The following SLC45A1 variants were observed in gnomAD, a reference collection of about 807,000 sequenced individuals.
SLC45A1 encodes the protein solute carrier family 45 member 1, also known as proton-associated sugar transporter A.
In SLC45A1, 28 loss-of-function variants were observed where a neutral mutation model predicts 57.6. That is an observed-to-expected ratio of 0.49 (90% confidence interval 0.36 to 0.67). SLC45A1 has a LOEUF of 0.67. Ranked by LOEUF, SLC45A1 falls within the 30% of genes least tolerant of loss-of-function variation. The probability of loss-of-function intolerance (pLI) is 0.00; values close to 1 mark genes in which losing one functional copy is unlikely to be tolerated. For missense variants in SLC45A1, 814 were observed against 1,041.5 expected (o/e 0.78, Z 3.01); for synonymous variants, 459 against 471.5 (o/e 0.97, Z 0.34).
rs1569932437 is a variant in SLC45A1, at chr1:8,324,586, A to G, written c.257A>G (p.Glu86Gly). ...CTGCACCCCCAGAGGTCCTTCCGGGAGCTGCTTTTCAACGGCTGCATTCTC... is the reference window on the plus strand; with the variant it reads ...CTGCACCCCCAGAGGTCCTTCCGGGGGCTGCTTTTCAACGGCTGCATTCTC... Reference protein sequence around the residue: ...GDLHPQRSFRELLFNGCILFG... With the variant: ...GDLHPQRSFRGLLFNGCILFG... The change falls in exon 2 of 9, where the codon GAG becomes GGG. Residue 86 changes from glutamate to glycine, a missense_variant. Transcript: ENST00000471889. The G allele has an allele frequency of 6.5e-7, 1 of 1,539,728 alleles. No individual in the cohort carries two copies. Among genetic ancestry groups the G allele is most frequent in the South Asian group, 1.1e-5 (1 of 89,686 alleles).
At chr1:8,323,530 G>A (rs118088989) in intron 1 of SLC45A1, among the ~76,000 whole-genome samples, 1 of 151,658 alleles carries the variant, frequency 6.6e-6, no homozygotes, top group Non-Finnish European at 1.5e-5. Flanking sequence ...AAGCTGGGGG[G>A]TGGGGATCTG....
In SLC45A1 at chr1:8,324,583, G is replaced by GGGAGCT. The variant is rs766178723; in HGVS notation, c.256_261dup (p.Glu86_Leu87dup). The GGGAGCT allele has an allele frequency of 6.3e-7, 1 of 1,584,220 alleles. No individual in the cohort carries two copies. ...GACCTGCACCCCCAGAGGTCCTTCC[G>GGGAGCT]GGAGCTGCTTTTCAACGGCTGCATT... On this transcript the variant is annotated inframe_insertion, in exon 2 of 9. Transcript: ENST00000471889.
chr1:8,338,141 C>T lies in SLC45A1; in HGVS notation c.1774+149C>T, dbSNP rs1640681951. On this transcript the variant is annotated intron_variant, in intron 7 of 8. Coordinates refer to ENST00000471889, the MANE Select transcript of SLC45A1 (RefSeq NM_001080397.3). ...CACTGTCTTTCCCGGCTGCAGGGCG[C>T]TGGGCCTGGGGGAGCTGGGCTGAAG... 6 of 758,074 alleles carry T rather than the reference C, an allele frequency of 7.9e-6. No individual in the cohort carries two copies. In the East Asian group the frequency reaches 1.6e-4, roughly 21 times the overall value. The allele number at this position is 758,074 out of a possible 1,614,324, so 47.0% of individuals were successfully genotyped here. A position where few individuals can be genotyped will look rare whatever the true frequency, so the allele number is the denominator to read the frequency against.
chr1:8,321,675 G>A (rs921772736), intron 1 of SLC45A1, among the ~76,000 whole-genome samples: 4 of 152,162 alleles, frequency 2.6e-5, no homozygotes, highest in Non-Finnish European at 5.9e-5. Context: ...ATGTTTGGAA[G>A]GGGGGATAGG....
chr1:8,338,127 C>T, intron 7 of SLC45A1, 135 bp downstream of exon 7: 1 of 826,964 alleles, frequency 1.2e-6, no homozygotes, highest in South Asian at 1.8e-5. Context: ...ACTGTCTTTC[C>T]CGGCTGCAGG....
At position 8,337,865 on chromosome 1, in the gene SLC45A1, C is replaced by T. The variant is rs372949220; in HGVS notation, c.1647C>T (p.Gly549=). ...TGCTCTTCTACACAGACTTCATGGGCGAGGTGGTGTTTCAGGGGGACCCCA... is the reference window on the plus strand; with the variant it reads ...TGCTCTTCTACACAGACTTCATGGGTGAGGTGGTGTTTCAGGGGGACCCCA... ...GMLLFYTDFM[G]EVVFQGDPKA... is the part of the protein sequence containing the mutation. The change falls in exon 7 of 9, where the codon GGC becomes GGT. Residue 549 remains glycine, a synonymous_variant. Coordinates refer to ENST00000471889, the MANE Select transcript of SLC45A1 (RefSeq NM_001080397.3). 40 of 1,614,184 alleles carry T rather than the reference C, an allele frequency of 2.5e-5. No homozygotes were observed. The highest frequency in any genetic ancestry group is 3.3e-4 in the Middle Eastern group (2 of 6,062).
rs143965615 is a variant in SLC45A1, at chr1:8,330,327, C to T, written c.834C>T (p.Ser278=). The change falls in exon 5 of 9, where the codon AGC becomes AGT. Residue 278 remains serine (S), a synonymous_variant. Transcript: ENST00000471889. The surrounding 1 kb of genome is among the most constrained non-coding windows in gnomAD (Gnocchi z 8.4). ...ACCTCTTCACTGCGGTCACCCTGAG[C>T]GTCACCACCGTCCTGACCCTGGTCA... is the stretch of plus-strand genomic sequence containing the variant. ...VIYLFTAVTL[S]VTTVLTLVSI... 4.7e-5 allele frequency: 76 copies of T among 1,613,516 alleles called. No homozygotes were observed. The African/African-American group carries it at 8.4e-4, about 18-fold the overall frequency.
At chr1:8,333,014 C>G (rs1395520256) in intron 5 of SLC45A1, among the ~76,000 whole-genome samples, 1 of 152,092 alleles carries the variant, frequency 6.6e-6, no homozygotes, top group South Asian at 2.1e-4. Context: ...GAGATCTAGC[C>G]GAGGAGACAC....
chr1:8,324,504 T>TGGCCCCCCC lies in SLC45A1; in HGVS notation c.175_176insGGCCCCCCC (p.Ser59delinsTrpProProPro). ...CAAGAGGAGGAAGTGCATTCGTCCC[T>TGGCCCCCCC]CCCCACCCCCGCCCCCCAACACCCC... On this transcript the variant is annotated protein_altering_variant, in exon 2 of 9. Coordinates refer to ENST00000471889, the MANE Select transcript of SLC45A1 (RefSeq NM_001080397.3). The TGGCCCCCCC allele has an allele frequency of 1.3e-6, 2 of 1,528,684 alleles. No homozygotes were observed. The highest frequency in any genetic ancestry group is 1.1e-5 in the South Asian group (1 of 89,148). The allele number at this position is 1,528,684 out of a possible 1,614,324, so 94.7% of individuals were successfully genotyped here. A position where few individuals can be genotyped will look rare whatever the true frequency, so the allele number is the denominator to read the frequency against.
intron 1 of SLC45A1, among the ~76,000 whole-genome samples, chr1:8,319,194 C>G (rs1221988114): frequency 6.6e-6 from 1 of 152,184 alleles, no homozygotes; most frequent in East Asian, 1.9e-4. Flanking sequence ...GCAGGAGAAT[C>G]GCTTGAACCC....
intron 8 of SLC45A1, among the ~76,000 whole-genome samples, chr1:8,341,405 GAC>G (rs1335413160): frequency 1.4e-5 from 2 of 146,568 alleles, no homozygotes; most frequent in African/African-American, 5.1e-5. Context: ...CGTGGTGGCG[GAC>G]GCCTATAGTC....
intron 8 of SLC45A1, among the ~76,000 whole-genome samples, chr1:8,342,079 C>T (rs371942544): frequency 2.0e-4 from 30 of 150,524 alleles, no homozygotes; most frequent in South Asian, 1.7e-3. Context: ...TGGTGGCGGG[C>T]GCCTGTAGTC....
rs781036625 is a variant in SLC45A1, at chr1:8,325,853, C to T, written c.526C>T (p.Arg176Trp). The change falls in exon 4 of 9, where the codon CGG (arginine) becomes TGG (tryptophan). Residue 176 changes from arginine to tryptophan, a missense_variant. By Grantham distance (101) the Arg-to-Trp change is moderately radical (BLOSUM62 -3). Transcript: ENST00000471889. The surrounding 1 kb of genome is among the most constrained non-coding windows in gnomAD (Gnocchi z 6.3). ...LLGLSLLLNG[R>W]DIGIALADVT... ...GGGCCTCTCGCTCTTGCTGAATGGCCGGGACATTGGCATCGCCCTGGCTGA... is the reference window on the plus strand; with the variant it reads ...GGGCCTCTCGCTCTTGCTGAATGGCTGGGACATTGGCATCGCCCTGGCTGA... 10 of 1,613,754 alleles carry T rather than the reference C, an allele frequency of 6.2e-6. No homozygotes were observed. The Admixed American group carries it at 8.3e-5, about 13-fold the overall frequency.
At position 8,326,363 on chromosome 1, in the gene SLC45A1, A is replaced by G. The variant is rs926440661; in HGVS notation, c.715+321A>G. Among the ~76,000 whole-genome samples, 2 of 152,202 alleles carry G rather than the reference A, an allele frequency of 1.3e-5. No individual in the cohort carries two copies. Among genetic ancestry groups the G allele is most frequent in the Non-Finnish European group, 2.9e-5 (2 of 68,032 alleles). On this transcript the variant is annotated intron_variant, in intron 4 of 8. Transcript: ENST00000471889. This position sits in a 1 kb window ranked among gnomAD's most constrained non-coding sequence, Gnocchi z 5.5. ...GCAAACACCGCATCTCGCTCCTAGG[A>G]AAAATACAGGGTTAGGTTCCTGTGA...
At position 8,327,653 on chromosome 1, in the gene SLC45A1, T is replaced by TTAAA. The variant is rs200268105; in HGVS notation, c.715+1623_715+1626dup. Among the ~76,000 whole-genome samples the TTAAA allele has an allele frequency of 1.1e-3, 174 of 152,136 alleles. 1 individual carries two copies. In the East Asian group the frequency reaches 0.012, roughly 10 times the overall value. Reference sequence around the variant, plus strand: ...AGACCCCATCTCTAAAAACATAAGATTAAATAAATAAATAACTCTAGCTTG... The same window carrying TTAAA: ...AGACCCCATCTCTAAAAACATAAGATTAAATAAATAAATAAATAACTCTAGCTTG... On this transcript the variant is annotated intron_variant, in intron 4 of 8. Coordinates refer to ENST00000471889, the MANE Select transcript of SLC45A1 (RefSeq NM_001080397.3). The surrounding 1 kb of genome is among the most constrained non-coding windows in gnomAD (Gnocchi z 4.3).
chr1:8,318,147 G>T lies in SLC45A1; in HGVS notation c.-64G>T. The T allele has an allele frequency of 2.2e-6, 1 of 453,324 alleles. No homozygotes were observed. The highest frequency in any genetic ancestry group is 4.0e-6 in the Non-Finnish European group (1 of 248,458). The allele number at this position is 453,324 out of a possible 1,614,324, so 28.1% of individuals were successfully genotyped here. On this transcript the variant is annotated 5_prime_UTR_variant, in exon 1 of 9. Transcript: ENST00000471889. The stretch of plus-strand genomic sequence containing the variant: ...CGGGACCGCGGCCGGGCAGGCAGCA[G>T]CCCAGCGGGGACAGGGATGCCTGCC...
rs765782767 is a variant in SLC45A1, at chr1:8,335,578, A to C, written c.1585A>C (p.Asn529His). The C allele has an allele frequency of 6.2e-7, 1 of 1,603,036 alleles. No homozygotes were observed. The highest frequency in any genetic ancestry group is 1.3e-5 in the African/African-American group (1 of 74,742). The stretch of plus-strand genomic sequence containing the variant: ...CAAGGCGCTACGCACCCTCTGCGTC[A>C]ACCACTTCCTGGGTGAGCTCCCGGC... ...MPKALRTLCVNHFLGWLSFEG... is the reference protein window; with the variant it reads ...MPKALRTLCVHHFLGWLSFEG... The change falls in exon 6 of 9, where the codon AAC becomes CAC. Residue 529 changes from asparagine to histidine, a missense_variant. By Grantham distance (68) the Asn-to-His change is moderately conservative. Transcript: ENST00000471889. The surrounding 1 kb of genome is among the most constrained non-coding windows in gnomAD (Gnocchi z 4.1).
chr1:8,318,460 T>C (rs1425729727), intron 1 of SLC45A1, among the ~76,000 whole-genome samples: 1 of 152,216 alleles, frequency 6.6e-6, no homozygotes, highest in Non-Finnish European at 1.5e-5. Context: ...ACCCCGGCCT[T>C]GGCCCCAGCT....
chr1:8,326,354 G>A lies in SLC45A1; in HGVS notation c.715+312G>A, dbSNP rs1640203901. Among the ~76,000 whole-genome samples, 1 of 152,130 alleles carries A rather than the reference G, an allele frequency of 6.6e-6. No individual in the cohort carries two copies. Among genetic ancestry groups the A allele is most frequent in the South Asian group, 2.1e-4 (1 of 4,828 alleles). On this transcript the variant is annotated intron_variant, in intron 4 of 8. Transcript: ENST00000471889. This position sits in a 1 kb window ranked among gnomAD's most constrained non-coding sequence, Gnocchi z 5.5. ...ACTGAATTAGCAAACACCGCATCTC[G>A]CTCCTAGGAAAAATACAGGGTTAGG...
Sources: gnomAD v4.1 joint callset for allele counts (sites outside exome capture counted in the v4.1 genomes callset) on GRCh38, gnomAD v4.1.1 for gene constraint, Gnocchi (gnomAD v3.1) non-coding constraint, MANE v1.5 for transcripts, NCBI Gene and HGNC (gene_info 2026-07-23, HGNC 2026-07-21) for gene names.